H1-0: variants seen among roughly 807,000 people sequenced by gnomAD.
The protein encoded by H1-0 is H1.0 linker histone, also known as histone H1.0.
A neutral mutation model predicts 8.8 loss-of-function variants in H1-0; 5 were observed. The observed-to-expected ratio is 0.57, with a 90% CI of 0.30 to 1.19. The LOEUF is 1.19. Among genes scored for constraint, H1-0 ranks in the 50% most tolerant of loss-of-function variants. The pLI is 0.08. For missense variants in H1-0, 231 were observed against 242.0 expected, an observed-to-expected ratio of 0.95 and a Z score of 0.30; for synonymous variants, 143 against 101.4, an observed-to-expected ratio of 1.41 and a Z score of -2.46.
chr22:37,805,341 G>T lies in H1-0; in HGVS notation c.-204G>T, dbSNP rs1315783272. The T allele has an allele frequency of 1.8e-6, 1 of 541,544 alleles. No homozygotes were observed. The highest frequency in any genetic ancestry group is 1.9e-5 in the African/African-American group (1 of 51,670). 33.5% of individuals were successfully genotyped at this position (541,544 alleles called of 1,614,324 possible). ...CGACAGACCGGCGGGGCTGGGCCTC[G>T]CAAAGCCGGCTCGGCGAGCTCTCCC... On this transcript the variant is annotated 5_prime_UTR_variant, in exon 1 of 1. Coordinates refer to ENST00000340857, the MANE Select transcript of H1-0 (RefSeq NM_005318.4).
chr22:37,805,839 G>A lies in H1-0; in HGVS notation c.295G>A (p.Asp99Asn). The A allele has an allele frequency of 6.2e-7, 1 of 1,613,976 alleles. No individual in the cohort carries two copies. The highest frequency in any genetic ancestry group is 8.5e-7 in the Non-Finnish European group (1 of 1,180,028). The part of the protein sequence containing the change: ...ASGSFRLAKS[D>N]EPKKSVAFKK... Reference sequence around the variant, plus strand: ...GGGGTCCTTCCGGCTAGCCAAGAGCGACGAACCCAAGAAGTCAGTGGCCTT... The same window carrying A: ...GGGGTCCTTCCGGCTAGCCAAGAGCAACGAACCCAAGAAGTCAGTGGCCTT... Residue 99 changes from aspartate to asparagine, a missense_variant, in exon 1 of 1, where the codon GAC (aspartate) becomes AAC (asparagine). By Grantham distance (23) the Asp-to-Asn change is conservative (BLOSUM62 1). Coordinates refer to ENST00000340857, the MANE Select transcript of H1-0 (RefSeq NM_005318.4).
In H1-0 at chr22:37,805,297, G is replaced by T; in HGVS notation, c.-248G>T. The T allele has an allele frequency of 2.0e-6, 1 of 506,542 alleles. No homozygotes were observed. Among genetic ancestry groups the T allele is most frequent in the South Asian group, 2.5e-5 (1 of 40,692 alleles). 31.4% of individuals were successfully genotyped at this position (506,542 alleles called of 1,614,324 possible). ...AGGCAGAGGCAGAGGCAGAGCCCGA[G>T]CCCGGTGCCGAGACCAAGCGACAGA... On this transcript the variant is annotated 5_prime_UTR_variant, in exon 1 of 1. Coordinates refer to ENST00000340857, the MANE Select transcript of H1-0 (RefSeq NM_005318.4).
Position 37,805,901 on chromosome 22 carries a change from G to A in H1-0, c.357G>A (p.Thr119=), listed in dbSNP as rs748013735. The change falls in exon 1 of 1, where the codon ACG becomes ACA. Residue 119 remains threonine, a synonymous_variant. Coordinates refer to ENST00000340857, the MANE Select transcript of H1-0 (RefSeq NM_005318.4). The part of the protein sequence containing the change: ...KTKKEIKKVA[T]PKKASKPKKA... The stretch of plus-strand genomic sequence containing the variant: ...AGAAGGAAATCAAGAAGGTAGCCAC[G>A]CCAAAGAAGGCATCCAAGCCCAAGA... 16 of 1,613,872 alleles carry A rather than the reference G, an allele frequency of 9.9e-6. No homozygotes were observed. The African/African-American group carries it at 1.9e-4, about 19-fold the overall frequency.
In H1-0 at chr22:37,806,074, A is replaced by C. The variant is rs1920988663; in HGVS notation, c.530A>C (p.Lys177Thr). ...AAGGCATCCAAGCCCAAAAAGGCCA[A>C]ACCAGTGAAACCCAAAGCAAAGTCC... ...PVKASKPKKA[K>T]PVKPKAKSSA... Residue 177 changes from lysine (K) to threonine (T), a missense_variant, in exon 1 of 1, where the codon AAA becomes ACA. Lys to Thr is a moderately conservative substitution (Grantham distance 78, BLOSUM62 -1). Coordinates refer to ENST00000340857, the MANE Select transcript of H1-0 (RefSeq NM_005318.4). The C allele has an allele frequency of 2.5e-6, 4 of 1,613,960 alleles. No individual in the cohort carries two copies. Among genetic ancestry groups the C allele is most frequent in the Non-Finnish European group, 2.5e-6 (3 of 1,180,012 alleles).
At position 37,805,754 on chromosome 22, in the gene H1-0, G is replaced by A. The variant is rs150162329; in HGVS notation, c.210G>A (p.Leu70=). ...AGAACGCTGACTCGCAGATCAAGTT[G>A]TCCATCAAGCGCCTGGTCACCACCG... ...VGENADSQIK[L]SIKRLVTTGV... is the part of the protein sequence containing the mutation. Residue 70 remains leucine (L), a synonymous_variant, in exon 1 of 1, where the codon TTG becomes TTA. Transcript: ENST00000340857. 1,124 of 1,614,106 alleles carry A rather than the reference G, an allele frequency of 7.0e-4. 2 individuals are homozygous for A. Among genetic ancestry groups the A allele is most frequent in the Non-Finnish European group, 8.8e-4 (1,043 of 1,180,010 alleles).
At position 37,806,167 on chromosome 22, in the gene H1-0, C is replaced by T. The variant is rs1391978409; in HGVS notation, c.*38C>T. ...TTCTTGCGGACACTCCCTCCTGTCTCCTATTTTCTGTAAATAATTTTCTCC... is the reference window on the plus strand; with the variant it reads ...TTCTTGCGGACACTCCCTCCTGTCTTCTATTTTCTGTAAATAATTTTCTCC... On this transcript the variant is annotated 3_prime_UTR_variant, in exon 1 of 1. Transcript: ENST00000340857. 3 of 1,471,304 alleles carry T rather than the reference C, an allele frequency of 2.0e-6. No homozygotes were observed. Among genetic ancestry groups the T allele is most frequent in the African/African-American group, 1.4e-5 (1 of 70,092 alleles). 91.1% of individuals were successfully genotyped at this position (1,471,304 alleles called of 1,614,324 possible). A position where few individuals can be genotyped will look rare whatever the true frequency, so the allele number is the denominator to read the frequency against.
Position 37,806,331 on chromosome 22 carries a change from T to A in H1-0, c.*202T>A. On this transcript the variant is annotated 3_prime_UTR_variant, in exon 1 of 1. Transcript: ENST00000340857. ...GTTGTGCAAGGACAGCAACAACCAA[T>A]CTAATGATGAGAATGTACTTATATT... is the stretch of plus-strand genomic sequence containing the variant. 1 of 597,500 alleles carries A rather than the reference T, an allele frequency of 1.7e-6. No individual in the cohort carries two copies. Among genetic ancestry groups the A allele is most frequent in the South Asian group, 2.2e-5 (1 of 44,848 alleles). The allele number at this position is 597,500 out of a possible 1,614,324, so 37.0% of individuals were successfully genotyped here.
chr22:37,806,905 C>T lies in H1-0; in HGVS notation c.*776C>T, dbSNP rs1335539196. The T allele has an allele frequency of 6.0e-6, 1 of 166,996 alleles. No individual in the cohort carries two copies. The highest frequency in any genetic ancestry group is 2.4e-5 in the African/African-American group (1 of 41,412). The allele number at this position is 166,996 out of a possible 1,614,324, so 10.3% of individuals were successfully genotyped here. ...TTCAGGGGAAGGGTGGGGAGTCAGC[C>T]AAGTGCCTCAGTGTGCCCTGTTGAA... is the stretch of plus-strand genomic sequence containing the variant. On this transcript the variant is annotated 3_prime_UTR_variant, in exon 1 of 1. Transcript: ENST00000340857.
Position 37,805,811 on chromosome 22 carries a change from C to A in H1-0, c.267C>A (p.Ala89=). ...GVLKQTKGVG[A]SGSFRLAKSD... ...TCAAGCAGACCAAAGGGGTGGGGGC[C>A]TCGGGGTCCTTCCGGCTAGCCAAGA... Residue 89 remains alanine (A), a synonymous_variant, in exon 1 of 1, where the codon GCC becomes GCA. Transcript: ENST00000340857. 6.2e-7 allele frequency: 1 copy of A among 1,614,008 alleles called. No individual in the cohort carries two copies. Among genetic ancestry groups the A allele is most frequent in the Non-Finnish European group, 8.5e-7 (1 of 1,180,010 alleles).
Position 37,805,337 on chromosome 22 carries a change from C to T in H1-0, c.-208C>T. On this transcript the variant is annotated 5_prime_UTR_variant, in exon 1 of 1. Transcript: ENST00000340857. Reference sequence around the variant, plus strand: ...CAAGCGACAGACCGGCGGGGCTGGGCCTCGCAAAGCCGGCTCGGCGAGCTC... The same window carrying T: ...CAAGCGACAGACCGGCGGGGCTGGGTCTCGCAAAGCCGGCTCGGCGAGCTC... 1.8e-6 allele frequency: 1 copy of T among 542,446 alleles called. No homozygotes were observed. The highest frequency in any genetic ancestry group is 3.2e-5 in the East Asian group (1 of 31,662). 33.6% of individuals were successfully genotyped at this position (542,446 alleles called of 1,614,324 possible).
Position 37,805,688 on chromosome 22 carries a change from G to A in H1-0, c.144G>A (p.Gln48=). 6.2e-7 allele frequency: 1 copy of A among 1,614,162 alleles called. No individual in the cohort carries two copies. ...AEKNRAGSSR[Q]SIQKYIKSHY... ...AGAACCGCGCTGGCTCCTCGCGCCA[G>A]TCCATTCAGAAGTATATCAAGAGCC... The change falls in exon 1 of 1, where the codon CAG becomes CAA. Residue 48 remains glutamine (Q), a synonymous_variant. Coordinates refer to ENST00000340857, the MANE Select transcript of H1-0 (RefSeq NM_005318.4).
chr22:37,806,374 T>G lies in H1-0; in HGVS notation c.*245T>G. The G allele has an allele frequency of 4.1e-6, 2 of 490,518 alleles. No homozygotes were observed. Among genetic ancestry groups the G allele is most frequent in the South Asian group, 2.8e-5 (1 of 36,284 alleles). 30.4% of individuals were successfully genotyped at this position (490,518 alleles called of 1,614,324 possible). ...CTTATATTTTGTTTTGCTATTAACC[T>G]ACTTACGGGGTTAGGGATTTGCGGG... On this transcript the variant is annotated 3_prime_UTR_variant, in exon 1 of 1. Coordinates refer to ENST00000340857, the MANE Select transcript of H1-0 (RefSeq NM_005318.4).
Position 37,805,841 on chromosome 22 carries a change from C to G in H1-0, c.297C>G (p.Asp99Glu). 1 of 1,613,944 alleles carries G rather than the reference C, an allele frequency of 6.2e-7. No individual in the cohort carries two copies. The highest frequency in any genetic ancestry group is 8.5e-7 in the Non-Finnish European group (1 of 1,180,014). ...GGTCCTTCCGGCTAGCCAAGAGCGA[C>G]GAACCCAAGAAGTCAGTGGCCTTCA... ...ASGSFRLAKS[D>E]EPKKSVAFKK... Residue 99 changes from aspartate (D) to glutamate (E), a missense_variant, in exon 1 of 1, where the codon GAC becomes GAG. Physicochemically the swap from Asp to Glu is conservative, Grantham distance 45. Transcript: ENST00000340857.
Position 37,806,140 on chromosome 22 carries a change from T to G in H1-0, c.*11T>G. 3 of 1,589,076 alleles carry G rather than the reference T, an allele frequency of 1.9e-6. No homozygotes were observed. Among genetic ancestry groups the G allele is most frequent in the South Asian group, 1.1e-5 (1 of 88,210 alleles). On this transcript the variant is annotated 3_prime_UTR_variant, in exon 1 of 1. Transcript: ENST00000340857. ...GGCAAGAAGAAGTGACAATGAAGTCTTTTCTTGCGGACACTCCCTCCTGTC... is the reference window on the plus strand; with the variant it reads ...GGCAAGAAGAAGTGACAATGAAGTCGTTTCTTGCGGACACTCCCTCCTGTC...
Position 37,805,920 on chromosome 22 carries a change from C to T in H1-0, c.376C>T (p.Pro126Ser), listed in dbSNP as rs1344153523. 2 of 1,614,092 alleles carry T rather than the reference C, an allele frequency of 1.2e-6. No individual in the cohort carries two copies. The highest frequency in any genetic ancestry group is 1.7e-6 in the Non-Finnish European group (2 of 1,180,018). Residue 126 changes from proline to serine, a missense_variant, in exon 1 of 1, where the codon CCC becomes TCC. Transcript: ENST00000340857. ...KVATPKKASK[P>S]KKAASKAPTK... is the part of the protein sequence containing the mutation. ...AGCCACGCCAAAGAAGGCATCCAAGCCCAAGAAGGCTGCCTCCAAAGCCCC... is the reference window on the plus strand; with the variant it reads ...AGCCACGCCAAAGAAGGCATCCAAGTCCAAGAAGGCTGCCTCCAAAGCCCC...
rs1241209598 is a variant in H1-0, at chr22:37,805,465, C to T, written c.-80C>T. The T allele has an allele frequency of 1.3e-5, 14 of 1,071,656 alleles. No homozygotes were observed. Among genetic ancestry groups the T allele is most frequent in the Non-Finnish European group, 1.9e-5 (14 of 729,820 alleles). 66.4% of individuals were successfully genotyped at this position (1,071,656 alleles called of 1,614,324 possible). On this transcript the variant is annotated 5_prime_UTR_variant, in exon 1 of 1. Coordinates refer to ENST00000340857, the MANE Select transcript of H1-0 (RefSeq NM_005318.4). ...GTAGTCAGGGGCTCAGGAGCAGATCCCGAGGCAGGCTTTGCTCAGCCTCCG... is the reference window on the plus strand; with the variant it reads ...GTAGTCAGGGGCTCAGGAGCAGATCTCGAGGCAGGCTTTGCTCAGCCTCCG...
At position 37,805,853 on chromosome 22, in the gene H1-0, G is replaced by A. The variant is rs200068985; in HGVS notation, c.309G>A (p.Lys103=). The stretch of plus-strand genomic sequence containing the variant: ...TAGCCAAGAGCGACGAACCCAAGAA[G>A]TCAGTGGCCTTCAAGAAGACCAAGA... ...FRLAKSDEPK[K]SVAFKKTKKE... The change falls in exon 1 of 1, where the codon AAG becomes AAA. Residue 103 remains lysine, a synonymous_variant. Transcript: ENST00000340857. 6.2e-6 allele frequency: 10 copies of A among 1,614,016 alleles called. No individual in the cohort carries two copies. The African/African-American group carries it at 1.1e-4, about 17-fold the overall frequency.
rs1184680499 is a variant in H1-0, at chr22:37,806,308, T to G, written c.*179T>G. On this transcript the variant is annotated 3_prime_UTR_variant, in exon 1 of 1. Transcript: ENST00000340857. ...AATAATTCATTTTTCCTTAACCAGT[T>G]GTGCAAGGACAGCAACAACCAATCT... 2 of 620,970 alleles carry G rather than the reference T, an allele frequency of 3.2e-6. No homozygotes were observed. Among genetic ancestry groups the G allele is most frequent in the Non-Finnish European group, 5.7e-6 (2 of 348,430 alleles). 38.5% of individuals were successfully genotyped at this position (620,970 alleles called of 1,614,324 possible). A position where few individuals can be genotyped will look rare whatever the true frequency, so the allele number is the denominator to read the frequency against.
rs1921045526 is a variant in H1-0 at position 37,807,331 on chromosome 22, T to TCCCTCCC, written c.*1205_*1206insTCCCCCC. The TCCCTCCC allele has an allele frequency of 6.6e-6, 1 of 151,430 alleles. No homozygotes were observed. 9.4% of individuals were successfully genotyped at this position (151,430 alleles called of 1,614,324 possible). ...AATAGAAAAATCGCGCACTTGCGCG[T>TCCCTCCC]CCCCCCCCCACCCCCTTTTTTAAAC... On this transcript the variant is annotated 3_prime_UTR_variant, in exon 1 of 1. Coordinates refer to ENST00000340857, the MANE Select transcript of H1-0 (RefSeq NM_005318.4).
Sources: allele counts gnomAD v4.1 joint callset, GRCh38; gene constraint gnomAD v4.1.1; transcripts MANE v1.5; gene names NCBI Gene and HGNC (gene_info 2026-07-23, HGNC 2026-07-21).